Variants in EDN1 observed in about 807,000 individuals in gnomAD.
EDN1 encodes the protein endothelin-1.
In EDN1, 11 loss-of-function variants were observed where a neutral mutation model predicts 21.7. The observed-to-expected ratio is 0.51, with a 90% confidence interval of 0.32 to 0.84. The LOEUF (loss-of-function observed/expected upper bound fraction) is 0.84. EDN1 is among the 40% of genes least tolerant of loss of function. The pLI is 0.03. For synonymous variants in EDN1, 85 were observed against 90.6 expected, an observed-to-expected ratio of 0.94 and a Z score of 0.35; for missense variants, 244 against 262.3, an observed-to-expected ratio of 0.93 and a Z score of 0.48.
the EDN1 span, among the ~76,000 whole-genome samples, chr6:12,247,566 T>C: frequency 7.1e-6 from 1 of 140,160 alleles, no homozygotes; most frequent in Admixed American, 7.5e-5. Context: ...TTGGAGACAG[T>C]CTCACTCCTT....
At chr6:12,284,206 A>G in the EDN1 span, among the ~76,000 whole-genome samples, 1 of 152,192 alleles carries the variant, frequency 6.6e-6, no homozygotes, top group African/African-American at 2.4e-5. Context: ...TTCTGAGTCC[A>G]GATTTCTTAC....
At chr6:12,259,838 T>C in the EDN1 span, among the ~76,000 whole-genome samples, 1 of 152,048 alleles carries the variant, frequency 6.6e-6, no homozygotes, top group Non-Finnish European at 1.5e-5. Flanking sequence ...TCATCTACCA[T>C]TAGTTGAGTT....
chr6:12,280,450 A>G, the EDN1 span, among the ~76,000 whole-genome samples: 1 of 152,232 alleles, frequency 6.6e-6, no homozygotes, highest in Non-Finnish European at 1.5e-5. Flanking sequence ...AATAATATTT[A>G]ACTACTTTCT....
the EDN1 span, among the ~76,000 whole-genome samples, chr6:12,254,302 C>T: frequency 3.3e-5 from 5 of 152,146 alleles, no homozygotes; most frequent in African/African-American, 9.7e-5. Context: ...GCTCTTCTTC[C>T]GTCTCCCTTT....
At chr6:12,270,987 T>C in the EDN1 span, among the ~76,000 whole-genome samples, 2 of 152,310 alleles carry the variant, frequency 1.3e-5, no homozygotes, top group East Asian at 1.9e-4. Context: ...ACAATTGTCA[T>C]ATGTACTACT....
the EDN1 span, among the ~76,000 whole-genome samples, chr6:12,246,749 G>C: frequency 7.0e-6 from 1 of 142,318 alleles, no homozygotes; most frequent in Non-Finnish European, 1.5e-5. Flanking sequence ...CTCTTGGAGA[G>C]GAAAGAACCC....
At chr6:12,243,148 G>A in the EDN1 span, among the ~76,000 whole-genome samples, 1 of 152,096 alleles carries the variant, frequency 6.6e-6, no homozygotes, top group Non-Finnish European at 1.5e-5. Flanking sequence ...ATTATATACT[G>A]TATTCTTATG....
At chr6:12,249,512 G>T in the EDN1 span, among the ~76,000 whole-genome samples, 1 of 150,434 alleles carries the variant, frequency 6.6e-6, no homozygotes, top group African/African-American at 2.5e-5. Context: ...CTACTTAGGG[G>T]ATCTAGGATG....
At chr6:12,238,948 C>A in the EDN1 span, among the ~76,000 whole-genome samples, 1 of 152,202 alleles carries the variant, frequency 6.6e-6, no homozygotes, top group Non-Finnish European at 1.5e-5. Flanking sequence ...TGTGTTATAT[C>A]AGTTGGGTGA....
the EDN1 span, among the ~76,000 whole-genome samples, chr6:12,277,668 C>T: frequency 2.6e-5 from 4 of 152,178 alleles, no homozygotes; most frequent in African/African-American, 4.8e-5. Flanking sequence ...GAGGAAGAGT[C>T]GTATATTACA....
At chr6:12,263,804 G>A in the EDN1 span, among the ~76,000 whole-genome samples, 2 of 151,656 alleles carry the variant, frequency 1.3e-5, no homozygotes, top group Non-Finnish European at 2.9e-5. Context: ...ATCCTTTCTG[G>A]TTCCTTGTTA....
chr6:12,255,566 T>G, the EDN1 span, among the ~76,000 whole-genome samples: 69 of 152,338 alleles, frequency 4.5e-4, no homozygotes, highest in African/African-American at 1.6e-3. Context: ...GTGCTTGTAT[T>G]TGACCAAAGT....
chr6:12,251,533 C>T, the EDN1 span, among the ~76,000 whole-genome samples: 3 of 152,166 alleles, frequency 2.0e-5, no homozygotes, highest in South Asian at 4.1e-4. Context: ...ACTTGTGAAA[C>T]GTGCCCCAAA....
At chr6:12,285,663 C>T (rs1250910686), upstream of EDN1, among the ~76,000 whole-genome samples, 4 of 152,244 alleles carry the variant, frequency 2.6e-5, no homozygotes, top group East Asian at 1.9e-4. Context: ...CCTCTGCCTC[C>T]CGGGTTCAAT....
the EDN1 span, among the ~76,000 whole-genome samples, chr6:12,269,622 A>G: frequency 6.6e-6 from 1 of 152,094 alleles, no homozygotes; most frequent in Non-Finnish European, 1.5e-5. Flanking sequence ...TGATTTAGGT[A>G]TGCTGAACCA....
chr6:12,297,077 A>G lies in EDN1; in HGVS notation c.*1010A>G, dbSNP rs1762844421. The G allele has an allele frequency of 6.6e-6, 1 of 152,226 alleles. No homozygotes were observed. The highest frequency in any genetic ancestry group is 2.1e-4 in the South Asian group (1 of 4,832). 9.4% of individuals were successfully genotyped at this position (152,226 alleles called of 1,614,324 possible). ...TACCATGTTAAATATCTGTTTGGGC[A>G]GGCCATATTGGTCTATGTATTTTTA... On this transcript the variant is annotated 3_prime_UTR_variant, in exon 5 of 5. Transcript: ENST00000379375.
chr6:12,287,640 C>A (rs1394281226), upstream of EDN1, among the ~76,000 whole-genome samples: 1 of 151,632 alleles, frequency 6.6e-6, no homozygotes, highest in Non-Finnish European at 1.5e-5. Flanking sequence ...AAGAAAAAGA[C>A]ACGGAAATTC....
At chr6:12,255,050 T>C in the EDN1 span, among the ~76,000 whole-genome samples, 1 of 152,206 alleles carries the variant, frequency 6.6e-6, no homozygotes, top group Non-Finnish European at 1.5e-5. Context: ...AGGTAATTTC[T>C]TTCAGATAAA....
At chr6:12,245,696 A>C in the EDN1 span, among the ~76,000 whole-genome samples, 4 of 152,220 alleles carry the variant, frequency 2.6e-5, no homozygotes. Context: ...GAAAGAACAA[A>C]TGCATTTTTC....
Sources: allele counts gnomAD v4.1 joint callset (sites outside exome capture counted in the v4.1 genomes callset), GRCh38; gene constraint gnomAD v4.1.1; transcripts MANE v1.5; gene names NCBI Gene and HGNC (gene_info 2026-07-23, HGNC 2026-07-21).